Variants in GLT1D1 observed in about 807,000 individuals in gnomAD.
The protein encoded by GLT1D1 is glycosyltransferase 1 domain-containing protein 1.
A neutral mutation model predicts 28.7 loss-of-function variants in GLT1D1; 21 were observed. The ratio of observed to expected loss-of-function variants is 0.73; its 90% confidence interval spans 0.52 to 1.05. The LOEUF is 1.05. Among genes scored for constraint, GLT1D1 ranks in the 50% least tolerant of loss-of-function variants. The probability of loss-of-function intolerance (pLI) is 0.00; values close to 1 mark genes in which losing one functional copy is unlikely to be tolerated. For missense variants in GLT1D1, 343 were observed against 330.6 expected (o/e 1.04, Z -0.29); for synonymous variants, 147 against 124.8 (o/e 1.18, Z -1.19).
chr12:128,880,469 T>C (rs904218369), intron 2 of GLT1D1, among the ~76,000 whole-genome samples: 2 of 152,278 alleles, frequency 1.3e-5, no homozygotes, highest in Admixed American at 6.5e-5. Flanking sequence ...CTCAGGGTTA[T>C]GTTTTTGAAG....
intron 2 of GLT1D1, among the ~76,000 whole-genome samples, chr12:128,878,307 T>C (rs1177096584): frequency 6.6e-6 from 1 of 152,188 alleles, no homozygotes; most frequent in Non-Finnish European, 1.5e-5. Context: ...CTGGGAACTT[T>C]CTCCCATAGT....
intron 7 of GLT1D1, among the ~76,000 whole-genome samples, chr12:128,965,732 A>AAAT (rs1555220850): frequency 9.6e-6 from 1 of 104,610 alleles, no homozygotes; most frequent in South Asian, 3.3e-4. Flanking sequence ...AAAAAAAAAA[A>AAAT]AAAGAAAAAG....
In GLT1D1 at chr12:128,926,515, G is replaced by A. The variant is rs1018883980; in HGVS notation, c.376-18811G>A. The A allele has an allele frequency of 8.2e-6, 7 of 848,906 alleles. No homozygotes were observed. In the Admixed American group the frequency reaches 1.5e-4, roughly 18 times the overall value. 52.6% of individuals were successfully genotyped at this position (848,906 alleles called of 1,614,324 possible). A position where few individuals can be genotyped will look rare whatever the true frequency, so the allele number is the denominator to read the frequency against. Reference sequence around the variant, plus strand: ...GAATTCCTTGTGGGCGCCCATCTCAGCATTTCTCTCTTCAGGGCCCTGAGT... The same window carrying A: ...GAATTCCTTGTGGGCGCCCATCTCAACATTTCTCTCTTCAGGGCCCTGAGT... On this transcript the variant is annotated intron_variant, in intron 4 of 7. Coordinates refer to ENST00000281703, the MANE Select transcript of GLT1D1 (RefSeq NM_144669.3).
At chr12:128,868,377 G>A (rs892914335) in intron 1 of GLT1D1, among the ~76,000 whole-genome samples, 36 of 152,226 alleles carry the variant, frequency 2.4e-4, no homozygotes, top group African/African-American at 7.5e-4. Flanking sequence ...GATGGGGCTC[G>A]TCCTCCTCAA....
At chr12:128,902,259 G>A (rs574221194) in intron 4 of GLT1D1, among the ~76,000 whole-genome samples, 32 of 150,884 alleles carry the variant, frequency 2.1e-4, no homozygotes, top group Middle Eastern at 3.4e-3. Context: ...CGAGGTGGGC[G>A]GATCACCTGA....
At chr12:128,973,874 C>G (rs551870700) in intron 7 of GLT1D1, among the ~76,000 whole-genome samples, 1 of 139,298 alleles carries the variant, frequency 7.2e-6, no homozygotes, top group South Asian at 2.3e-4. Flanking sequence ...CCAGGTTTCC[C>G]GTGTGTGTGT....
chr12:128,980,509 C>T (rs1028259955), intron 7 of GLT1D1, among the ~76,000 whole-genome samples: 2 of 152,186 alleles, frequency 1.3e-5, no homozygotes, highest in Admixed American at 1.3e-4. Context: ...GCTGGATTCG[C>T]GGGGTGGTGC....
intron 7 of GLT1D1, among the ~76,000 whole-genome samples, chr12:128,979,060 C>T (rs1407552546): frequency 1.3e-5 from 2 of 152,192 alleles, no homozygotes; most frequent in Non-Finnish European, 2.9e-5. Context: ...AATGCCTTAG[C>T]CTCCTGGGAA....
intron 1 of GLT1D1, among the ~76,000 whole-genome samples, chr12:128,854,864 C>T (rs1956176093): frequency 6.6e-6 from 1 of 152,110 alleles, no homozygotes; most frequent in Admixed American, 6.5e-5. Flanking sequence ...CTAATTTCTC[C>T]TAAAGATCAT....
intron 4 of GLT1D1, among the ~76,000 whole-genome samples, chr12:128,900,796 C>G (rs181869009): frequency 2.6e-5 from 4 of 152,168 alleles, no homozygotes; most frequent in Admixed American, 1.3e-4. Context: ...CCACCACACC[C>G]GGCTAATTTT....
intron 4 of GLT1D1, among the ~76,000 whole-genome samples, chr12:128,931,559 C>T (rs1275893995): frequency 2.0e-5 from 3 of 152,140 alleles, no homozygotes; most frequent in South Asian, 2.1e-4. Context: ...CCGCCTGCCT[C>T]GGCCTCCCAA....
chr12:128,974,292 C>G (rs1420625444), intron 7 of GLT1D1, among the ~76,000 whole-genome samples: 3 of 152,120 alleles, frequency 2.0e-5, no homozygotes, highest in Non-Finnish European at 4.4e-5. Context: ...CGGACCCACC[C>G]GGCTCACAGA....
intron 4 of GLT1D1, among the ~76,000 whole-genome samples, chr12:128,917,812 C>T (rs1872252179): frequency 6.6e-6 from 1 of 152,036 alleles, no homozygotes; most frequent in Non-Finnish European, 1.5e-5. Flanking sequence ...TATTAAGAGG[C>T]CAAAAAACAA....
rs574951200 is a variant in GLT1D1 at position 128,979,790 on chromosome 12, AC to A, written c.640-3137del. 1.5e-3 allele frequency among the ~76,000 whole-genome samples: 234 copies of A among 151,892 alleles called. 1 individual carries two copies. Among genetic ancestry groups the A allele is most frequent in the African/African-American group, 5.4e-3 (223 of 41,426 alleles). On this transcript the variant is annotated intron_variant, in intron 7 of 7. Transcript: ENST00000281703. ...ATGAGAAAATGCACTTAATACACCA[AC>A]CTCCGGAGCATCCCGGCTTAGCCCA...
chr12:128,913,065 A>ACAAAC (rs1019896927), intron 4 of GLT1D1, among the ~76,000 whole-genome samples: 1 of 152,206 alleles, frequency 6.6e-6, no homozygotes, highest in African/African-American at 2.4e-5. Context: ...TTTGGAAAAA[A>ACAAAC]CAAACCAAAC....
chr12:128,926,286 A>G, intron 4 of GLT1D1, 73 bp from the exon 7 acceptor site: 1 of 618,384 alleles, frequency 1.6e-6, no homozygotes, highest in South Asian at 2.2e-5. Flanking sequence ...TTCTGAATGC[A>G]TCTGTGATGT....
At chr12:128,914,764 G>A (rs1185714713) in intron 4 of GLT1D1, 169 bp from the exon 6 acceptor site, 3 of 534,416 alleles carry the variant, frequency 5.6e-6, no homozygotes. Context: ...AGGTTGCAGT[G>A]AGCAGAGATC....
At chr12:128,945,187 A>G (rs1345987330) in intron 4 of GLT1D1, 139 bp from the exon 9 acceptor site, 3 of 842,350 alleles carry the variant, frequency 3.6e-6, no homozygotes, top group Non-Finnish European at 6.1e-6. Flanking sequence ...CACACGCAGC[A>G]GCCGCGAGGA....
At chr12:128,973,966 T>G (rs1593214714) in intron 7 of GLT1D1, among the ~76,000 whole-genome samples, 3 of 143,180 alleles carry the variant, frequency 2.1e-5, no homozygotes, top group African/African-American at 2.7e-5. Context: ...GGGCGCTTGG[T>G]GATCTGTGCT....
Sources: allele counts gnomAD v4.1 joint callset (sites outside exome capture counted in the v4.1 genomes callset), GRCh38; gene constraint gnomAD v4.1.1; transcripts MANE v1.5; gene names NCBI Gene and HGNC (gene_info 2026-07-23, HGNC 2026-07-21).